Variants in SPAG16 observed in about 807,000 individuals in gnomAD.
SPAG16 encodes the protein sperm associated antigen 16.
SPAG16 carries 86 observed loss-of-function variants against 80.4 expected under a neutral mutation model. That is an observed-to-expected ratio of 1.07 (90% CI 0.90 to 1.28). SPAG16 has a LOEUF of 1.28. Among genes scored for constraint, SPAG16 ranks in the 50% most tolerant of loss-of-function variants. The pLI is 0.00. For synonymous variants in SPAG16, 294 were observed against 265.9 expected (o/e 1.11, Z -1.03); for missense variants, 870 against 765.3 (o/e 1.14, Z -1.61).
At chr2:214,240,354 T>A (rs1689376156) in intron 15 of SPAG16, 1 of 152,220 alleles carries the variant, frequency 6.6e-6, no homozygotes, top group Non-Finnish European at 1.5e-5. Flanking sequence ...TTAGGCACTT[T>A]CTCTTAGGAA....
chr2:213,482,010 A>G (rs2073773211), intron 9 of SPAG16, among the ~76,000 whole-genome samples: 1 of 152,240 alleles, frequency 6.6e-6, no homozygotes, highest in Non-Finnish European at 1.5e-5. Flanking sequence ...AGAGAAAATG[A>G]GACTTCCCTA....
intron 10 of SPAG16, among the ~76,000 whole-genome samples, chr2:213,825,994 G>A (rs910356798): frequency 1.3e-5 from 2 of 151,722 alleles, no homozygotes; most frequent in Non-Finnish European, 2.9e-5. Context: ...TAGGTTGTAT[G>A]TATCTAGGAA....
chr2:213,907,742 G>A (rs1026047670), intron 11 of SPAG16, among the ~76,000 whole-genome samples: 7 of 152,116 alleles, frequency 4.6e-5, no homozygotes, highest in African/African-American at 1.2e-4. Context: ...CCTGGAGGAC[G>A]TTATGTAAAG....
intron 10 of SPAG16, among the ~76,000 whole-genome samples, chr2:213,643,310 A>G (rs2062674300): frequency 1.5e-5 from 2 of 131,120 alleles, no homozygotes; most frequent in Middle Eastern, 3.8e-3. Context: ...AAAGGTTTCC[A>G]CTGAAAAGTT....
chr2:213,456,929 T>C (rs377209381), intron 9 of SPAG16, among the ~76,000 whole-genome samples: 205 of 152,334 alleles, frequency 1.3e-3, no homozygotes, highest in South Asian at 3.3e-3. Context: ...AATGCCTTCT[T>C]GTATCTTATA....
chr2:213,684,931 A>G (rs1481772769), intron 10 of SPAG16, among the ~76,000 whole-genome samples: 1 of 152,178 alleles, frequency 6.6e-6, no homozygotes, highest in African/African-American at 2.4e-5. Flanking sequence ...ATGTGCTATG[A>G]AGGAGTGGTT....
At chr2:214,254,536 C>A (rs1326819504) in intron 15 of SPAG16, among the ~76,000 whole-genome samples, 1 of 151,910 alleles carries the variant, frequency 6.6e-6, no homozygotes, top group East Asian at 1.9e-4. Context: ...TTAAAACAAT[C>A]GGTCAGCTTA....
chr2:213,459,524 G>A (rs765547569), intron 9 of SPAG16, among the ~76,000 whole-genome samples: 5 of 152,172 alleles, frequency 3.3e-5, no homozygotes, highest in Non-Finnish European at 5.9e-5. Flanking sequence ...CTAGGAATGA[G>A]GATCATTCTT....
chr2:213,902,639 C>G (rs2077265316), intron 11 of SPAG16, among the ~76,000 whole-genome samples: 1 of 152,150 alleles, frequency 6.6e-6, no homozygotes, highest in African/African-American at 2.4e-5. Flanking sequence ...GACACACAGC[C>G]AAACCATATC....
chr2:213,912,290 A>G (rs2077711696), intron 11 of SPAG16, among the ~76,000 whole-genome samples: 1 of 152,188 alleles, frequency 6.6e-6, no homozygotes, highest in Admixed American at 6.5e-5. Flanking sequence ...TTTCTGATTA[A>G]ACAATAAAAT....
chr2:213,348,430 C>T (rs973262282), intron 6 of SPAG16, among the ~76,000 whole-genome samples: 1 of 152,094 alleles, frequency 6.6e-6, no homozygotes, highest in Admixed American at 6.6e-5. Context: ...GTGATGTTAG[C>T]TGGTTATTTT....
At chr2:213,358,183 C>G (rs946021318) in intron 7 of SPAG16, among the ~76,000 whole-genome samples, 2 of 152,150 alleles carry the variant, frequency 1.3e-5, no homozygotes, top group African/African-American at 4.8e-5. Context: ...TCTGGCGGCC[C>G]TTAACATTTT....
intron 15 of SPAG16, among the ~76,000 whole-genome samples, chr2:214,361,952 G>A (rs1226305176): frequency 1.3e-5 from 2 of 151,786 alleles, no homozygotes; most frequent in Non-Finnish European, 2.9e-5. Context: ...CAGGCAATAG[G>A]CCTTTCATCT....
intron 15 of SPAG16, among the ~76,000 whole-genome samples, chr2:214,377,732 T>C (rs1404478892): frequency 6.6e-6 from 1 of 152,098 alleles, no homozygotes; most frequent in Non-Finnish European, 1.5e-5. Context: ...TATTGAAGGG[T>C]CAACCATACT....
intron 13 of SPAG16, among the ~76,000 whole-genome samples, chr2:214,037,137 G>T (rs2048738999): frequency 6.6e-6 from 1 of 151,710 alleles, no homozygotes; most frequent in Non-Finnish European, 1.5e-5. Context: ...TGAAATGTTT[G>T]AGGTTATAGG....
intron 10 of SPAG16, among the ~76,000 whole-genome samples, chr2:213,793,351 C>T (rs971470562): frequency 2.0e-5 from 3 of 152,096 alleles, no homozygotes; most frequent in Non-Finnish European, 2.9e-5. Context: ...AACCTTTATC[C>T]TGTACCCGTC....
chr2:213,820,547 T>A (rs897796683), intron 10 of SPAG16, among the ~76,000 whole-genome samples: 1 of 152,158 alleles, frequency 6.6e-6, no homozygotes, highest in Non-Finnish European at 1.5e-5. Context: ...GAACCTTGAT[T>A]TGCTGAGAAT....
chr2:213,829,300 C>T (rs1298905158), intron 10 of SPAG16, among the ~76,000 whole-genome samples: 1 of 152,052 alleles, frequency 6.6e-6, no homozygotes, highest in Non-Finnish European at 1.5e-5. Flanking sequence ...ACAGGGAGTA[C>T]CACCAGGGCA....
chr2:213,372,113 A>G (rs1351448969), intron 8 of SPAG16, among the ~76,000 whole-genome samples: 1 of 148,630 alleles, frequency 6.7e-6, no homozygotes, highest in East Asian at 2.0e-4. Context: ...TTAGTATTAC[A>G]TATTATGAGA....
Sources: gnomAD v4.1 joint callset for allele counts (sites outside exome capture counted in the v4.1 genomes callset) on GRCh38, gnomAD v4.1.1 for gene constraint, MANE v1.5 for transcripts, NCBI Gene and HGNC (gene_info 2026-07-23, HGNC 2026-07-21) for gene names.